The following FARS2 variants were observed in gnomAD, a reference collection of about 807,000 sequenced individuals.
FARS2 encodes the protein phenylalanine--tRNA ligase, mitochondrial.
A neutral mutation model predicts 46.4 loss-of-function variants in FARS2; 40 were observed. That is an observed-to-expected ratio of 0.86 (90% confidence interval 0.67 to 1.12). The LOEUF is 1.12. FARS2 is among the 50% of genes most tolerant of loss of function. The pLI, the probability that FARS2 is intolerant of heterozygous loss-of-function variation, is 0.00. For missense variants in FARS2, 513 were observed against 567.9 expected, an observed-to-expected ratio of 0.90 and a Z score of 0.98; for synonymous variants, 234 against 214.9, an observed-to-expected ratio of 1.09 and a Z score of -0.78.
intron 6 of FARS2, among the ~76,000 whole-genome samples, chr6:5,616,439 T>C (rs1182073577): frequency 6.6e-6 from 1 of 152,198 alleles, no homozygotes. Flanking sequence ...TCTTTTTTAG[T>C]ACAAGTTGAG....
chr6:5,263,308 T>A (rs1765324012), intron 1 of FARS2, among the ~76,000 whole-genome samples: 1 of 152,208 alleles, frequency 6.6e-6, no homozygotes, highest in African/African-American at 2.4e-5. Context: ...ATAGTTTGGG[T>A]AGCTTAGTCC....
At chr6:5,317,269 A>T (rs1421298590) in intron 1 of FARS2, among the ~76,000 whole-genome samples, 1 of 152,246 alleles carries the variant, frequency 6.6e-6, no homozygotes, top group Admixed American at 6.5e-5. Flanking sequence ...CTAGTATTCG[A>T]CAAAAAATCA....
In FARS2 at chr6:5,703,523, T is replaced by C. The variant is rs1241980435; in HGVS notation, c.1218-67768T>C. 2.0e-5 allele frequency among the ~76,000 whole-genome samples: 3 copies of C among 152,348 alleles called. No homozygotes were observed. The East Asian group carries it at 5.8e-4, about 29-fold the overall frequency. On this transcript the variant is annotated intron_variant, in intron 6 of 6. Coordinates refer to ENST00000274680, the MANE Select transcript of FARS2 (RefSeq NM_006567.5). ...AACACTTTATAGCAGATATACATTTTATCCCACAACTCTGGGTGTGAGAAA... is the reference window on the plus strand; with the variant it reads ...AACACTTTATAGCAGATATACATTTCATCCCACAACTCTGGGTGTGAGAAA...
intron 6 of FARS2, among the ~76,000 whole-genome samples, chr6:5,650,237 G>A (rs1228416757): frequency 3.4e-5 from 5 of 148,200 alleles, no homozygotes; most frequent in Admixed American, 1.4e-4. Context: ...TCCTGGTACC[G>A]ATGTCAAAGT....
intron 1 of FARS2, among the ~76,000 whole-genome samples, chr6:5,286,449 G>T (rs1375423429): frequency 6.6e-6 from 1 of 152,150 alleles, no homozygotes; most frequent in Non-Finnish European, 1.5e-5. Flanking sequence ...TATTTGTAGA[G>T]AGGGGGTTTC....
At chr6:5,604,478 A>T (rs1774714842) in intron 5 of FARS2, among the ~76,000 whole-genome samples, 1 of 152,176 alleles carries the variant, frequency 6.6e-6, no homozygotes, top group South Asian at 2.1e-4. Flanking sequence ...GGGTGGCAGC[A>T]GGAATGGGCA....
At position 5,534,827 on chromosome 6, in the gene FARS2, GCA is replaced by G. The variant is rs915267260; in HGVS notation, c.905-10345_905-10344del. Reference sequence around the variant, plus strand: ...CACATATGTATACACACACATGCACGCACACACACGCACGCATACACACTTGC... The same window carrying G: ...CACATATGTATACACACACATGCACGCACACACGCACGCATACACACTTGC... On this transcript the variant is annotated intron_variant, in intron 4 of 6. Transcript: ENST00000274680. Among the ~76,000 whole-genome samples the G allele has an allele frequency of 3.0e-3, 405 of 133,662 alleles. 3 individuals carry two copies. The highest frequency in any genetic ancestry group is 0.01 in the African/African-American group (385 of 37,622). 87.7% of individuals were successfully genotyped at this position (133,662 alleles called of 152,430 possible). A position where few individuals can be genotyped will look rare whatever the true frequency, so the allele number is the denominator to read the frequency against.
intron 5 of FARS2, among the ~76,000 whole-genome samples, chr6:5,606,710 T>G (rs1774858964): frequency 6.6e-6 from 1 of 152,158 alleles, no homozygotes; most frequent in Non-Finnish European, 1.5e-5. Context: ...TCTCTTAGCA[T>G]TGGCTCTTCT....
chr6:5,667,344 C>G (rs1489998130), intron 6 of FARS2, among the ~76,000 whole-genome samples: 1 of 140,954 alleles, frequency 7.1e-6, no homozygotes, highest in African/African-American at 2.6e-5. Context: ...ATGGAGAAAC[C>G]CCATCGCTAC....
intron 2 of FARS2, among the ~76,000 whole-genome samples, chr6:5,370,225 G>C (rs997519368): frequency 6.6e-6 from 1 of 152,106 alleles, no homozygotes; most frequent in Non-Finnish European, 1.5e-5. Flanking sequence ...GGAGATAACT[G>C]AACAGGACTG....
intron 1 of FARS2, among the ~76,000 whole-genome samples, chr6:5,358,877 GT>G: frequency 6.6e-6 from 1 of 151,726 alleles, no homozygotes; most frequent in East Asian, 1.9e-4. Context: ...ATTTGTTTTT[GT>G]GTTTGTCACA....
intron 1 of FARS2, among the ~76,000 whole-genome samples, chr6:5,349,506 C>A (rs797140): frequency 0.46 from 70,387 of 151,964 alleles, 18,459 homozygotes; most frequent in African/African-American, 0.73. Context: ...AACTTACTAA[C>A]TTTCAACCCT....
At chr6:5,413,491 G>A (rs1412728271) in intron 3 of FARS2, among the ~76,000 whole-genome samples, 1 of 152,048 alleles carries the variant, frequency 6.6e-6, no homozygotes, top group Non-Finnish European at 1.5e-5. Context: ...TTAAGATTTA[G>A]GGAGAGAGGG....
intron 4 of FARS2, among the ~76,000 whole-genome samples, chr6:5,454,467 C>A (rs548767067): frequency 6.6e-6 from 1 of 151,548 alleles, no homozygotes; most frequent in Non-Finnish European, 1.5e-5. Context: ...TCAGCCTCCC[C>A]CCGAGTAGCT....
In FARS2 at chr6:5,379,622, C is replaced by T. The variant is rs1385763728; in HGVS notation, c.612+10440C>T. Among the ~76,000 whole-genome samples the T allele has an allele frequency of 6.6e-5, 10 of 152,222 alleles. No homozygotes were observed. The South Asian group carries it at 1.7e-3, about 25-fold the overall frequency. On this transcript the variant is annotated intron_variant, in intron 2 of 6. Transcript: ENST00000274680. ...TGCTGGTGAAATTGCTTGATATCCA[C>T]GCTCTGGAATGTACCGAAATCTGCT...
intron 4 of FARS2, among the ~76,000 whole-genome samples, chr6:5,529,697 CTCACAGCCTTT>C (rs1352363186): frequency 2.0e-5 from 3 of 152,220 alleles, no homozygotes; most frequent in Non-Finnish European, 4.4e-5. Flanking sequence ...CTAATGGCTT[CTCACAGCCTTT>C]TTAATGGCTG....
chr6:5,580,151 G>A (rs538304138), intron 5 of FARS2, among the ~76,000 whole-genome samples: 14 of 151,698 alleles, frequency 9.2e-5, no homozygotes, highest in Non-Finnish European at 1.8e-4. Context: ...TTAGCCGGGC[G>A]TGGTGGTGCG....
intron 5 of FARS2, among the ~76,000 whole-genome samples, chr6:5,569,470 C>A (rs9392699): frequency 1.3e-5 from 2 of 151,708 alleles, no homozygotes. Flanking sequence ...ACTGATCCAC[C>A]CACCTCGGCT....
At chr6:5,720,666 T>A (rs78033794) in intron 6 of FARS2, among the ~76,000 whole-genome samples, 3,727 of 152,290 alleles carry the variant, frequency 0.024, 152 homozygotes, top group African/African-American at 0.084. Flanking sequence ...TCTTAAAAAT[T>A]ATTGAGGACC....
Sources: allele counts gnomAD v4.1 joint callset (sites outside exome capture counted in the v4.1 genomes callset), GRCh38; gene constraint gnomAD v4.1.1; transcripts MANE v1.5; gene names NCBI Gene and HGNC (gene_info 2026-07-23, HGNC 2026-07-21).